NHSL2: variants seen among roughly 807,000 people sequenced by gnomAD.
The protein encoded by NHSL2 is NHS like 2, also known as NHS-like protein 2.
Under a neutral mutation model 53.4 loss-of-function variants are expected in NHSL2, and 27 were observed. The ratio of observed to expected loss-of-function variants is 0.51; its 90% CI spans 0.37 to 0.70. NHSL2 has a LOEUF of 0.70. NHSL2 is among the 30% of genes least tolerant of loss of function. NHSL2 has a pLI of 0.00. For missense variants in NHSL2, 892 were observed against 980.1 expected (o/e 0.91, Z 1.20); for synonymous variants, 408 against 404.1 (o/e 1.01, Z -0.12).
rs1425210883 is a variant in NHSL2 at position 72,146,528 on chromosome X, T to A, written c.*2954T>A. ...TTTGAAGGTGGAATAGAGAAGAGAT[T>A]TGAGTGAAATGAAGTTGGCCCTAGG... On this transcript the variant is annotated 3_prime_UTR_variant, in exon 8 of 8. Transcript: ENST00000633930. 1 of 111,880 alleles carries A rather than the reference T, an allele frequency of 8.9e-6. No individual in the cohort carries two copies. Among genetic ancestry groups the A allele is most frequent in the Non-Finnish European group, 1.9e-5 (1 of 53,168 alleles). The allele number at this position is 111,880 out of a possible 1,213,427, so 9.2% of individuals were successfully genotyped here.
chrX:72,104,795 G>C (rs926356025), intron 1 of NHSL2, among the ~76,000 whole-genome samples: 1 of 111,588 alleles, frequency 9.0e-6, no homozygotes, highest in Admixed American at 9.5e-5. Flanking sequence ...CAACAGGAAA[G>C]AGTTGAGGAT....
chrX:72,061,978 G>A (rs1227594213), intron 1 of NHSL2, among the ~76,000 whole-genome samples: 1 of 112,045 alleles, frequency 8.9e-6, no homozygotes, highest in Non-Finnish European at 1.9e-5. Flanking sequence ...TTGATTATTC[G>A]TGTACTTGGT....
Position 72,145,167 on chromosome X carries a change from A to G in NHSL2, c.*1593A>G, listed in dbSNP as rs1448110252. 2 of 111,782 alleles carry G rather than the reference A, an allele frequency of 1.8e-5. No individual in the cohort carries two copies. The highest frequency in any genetic ancestry group is 3.8e-5 in the Non-Finnish European group (2 of 53,189). The allele number at this position is 111,782 out of a possible 1,213,427, so 9.2% of individuals were successfully genotyped here. ...CCTCACCCAATAGATTCAATGGTCAACCTCCTGGAGGATGCAGTAAGGTTC... is the reference window on the plus strand; with the variant it reads ...CCTCACCCAATAGATTCAATGGTCAGCCTCCTGGAGGATGCAGTAAGGTTC... On this transcript the variant is annotated 3_prime_UTR_variant, in exon 8 of 8. Coordinates refer to ENST00000633930, the MANE Select transcript of NHSL2 (RefSeq NM_001013627.3).
chrX:72,030,637 G>C (rs1293613191), intron 1 of NHSL2, among the ~76,000 whole-genome samples: 1 of 111,831 alleles, frequency 8.9e-6, no homozygotes, highest in African/African-American at 3.3e-5. Flanking sequence ...TCAAATGTTT[G>C]TGATCAGTGG....
chrX:72,058,899 G>T (rs527631320), intron 1 of NHSL2, among the ~76,000 whole-genome samples: 14 of 112,205 alleles, frequency 1.2e-4, no homozygotes, highest in African/African-American at 4.2e-4. Flanking sequence ...TGCAGAGCAA[G>T]GCAGAGACAC....
rs141918604 is a variant in NHSL2, at chrX:72,044,627, G to A, written c.281-87452G>A. The A allele has an allele frequency of 1.4e-3, 1,608 of 1,145,873 alleles. 15 individuals carry two copies. The African/African-American group carries it at 0.025, about 18-fold the overall frequency. The allele number at this position is 1,145,873 out of a possible 1,213,427, so 94.4% of individuals were successfully genotyped here. ...CCTATTCGCTGCACTAACTGTGTCC[G>A]ATGCGTGCCCACAGACAAGGCCATT... is the stretch of plus-strand genomic sequence containing the variant. On this transcript the variant is annotated intron_variant, in intron 1 of 7. Coordinates refer to ENST00000633930, the MANE Select transcript of NHSL2 (RefSeq NM_001013627.3).
chrX:72,147,156 A>C lies in NHSL2; in HGVS notation c.*3582A>C. ...GCACCTGCCCTCTTCCTCATCAATG[A>C]ACAAGTTGGGAAAAAGATGAGTTCA... On this transcript the variant is annotated 3_prime_UTR_variant, in exon 8 of 8. Coordinates refer to ENST00000633930, the MANE Select transcript of NHSL2 (RefSeq NM_001013627.3). The C allele has an allele frequency of 8.9e-6, 1 of 112,011 alleles. No homozygotes were observed. 9.2% of individuals were successfully genotyped at this position (112,011 alleles called of 1,213,427 possible). A position where few individuals can be genotyped will look rare whatever the true frequency, so the allele number is the denominator to read the frequency against.
At position 72,143,532 on chromosome X, in the gene NHSL2, A is replaced by G. The variant is rs748384799; in HGVS notation, c.3636A>G (p.Gln1212=). The change falls in exon 8 of 8, where the codon CAA becomes CAG. Residue 1212 remains glutamine (Q), a synonymous_variant. Transcript: ENST00000633930. ...CACTGGCTCGGAGAATTATTGCACAATTTTCAAAAGACTATGAAACCACCG... is the reference window on the plus strand; with the variant it reads ...CACTGGCTCGGAGAATTATTGCACAGTTTTCAAAAGACTATGAAACCACCG... The part of the protein sequence containing the change: ...TNPLARRIIA[Q]FSKDYETTDN... The G allele has an allele frequency of 5.2e-6, 6 of 1,164,003 alleles. No individual in the cohort carries two copies. In the African/African-American group the frequency reaches 7.2e-5, roughly 14 times the overall value.
chrX:72,087,961 TTGGGAGGCCGAGGCGGGCTGCTCCCC>T (rs376880157), intron 1 of NHSL2, among the ~76,000 whole-genome samples: 6,432 of 111,179 alleles, frequency 0.058, 247 homozygotes, highest in East Asian at 0.2. Flanking sequence ...TCCCAGCACT[TTGGGAGGCCGAGGCGGGCTGCTCCCC>T]TGGGAGGCCG....
Position 72,140,461 on chromosome X carries a change from A to G in NHSL2, c.2913A>G (p.Val971=). Residue 971 remains valine, a synonymous_variant, in exon 6 of 8, where the codon GTA becomes GTG. Coordinates refer to ENST00000633930, the MANE Select transcript of NHSL2 (RefSeq NM_001013627.3). ...CACAGCAGCCTCCCCAGGGAAGTGT[A>G]GAGGACGAGGGCCCCAAGGTGAGGG... The part of the protein sequence containing the change: ...SGTQQPPQGS[V]EDEGPKVRVL... 2 of 1,209,440 alleles carry G rather than the reference A, an allele frequency of 1.7e-6. No homozygotes were observed. The highest frequency in any genetic ancestry group is 2.2e-6 in the Non-Finnish European group (2 of 894,045).
At chrX:72,111,576 C>T (rs1286195517) in intron 1 of NHSL2, among the ~76,000 whole-genome samples, 1 of 111,547 alleles carries the variant, frequency 9.0e-6, no homozygotes, top group Non-Finnish European at 1.9e-5. Context: ...GTCCAAAGTC[C>T]CACAGTAAGT....
In NHSL2 at chrX:71,911,336, G is replaced by A; in HGVS notation, c.249G>A (p.Leu83=). 9.0e-7 allele frequency: 1 copy of A among 1,109,930 alleles called. No homozygotes were observed. Among genetic ancestry groups the A allele is most frequent in the Middle Eastern group, 3.0e-4 (1 of 3,305 alleles). The allele number at this position is 1,109,930 out of a possible 1,213,427, so 91.5% of individuals were successfully genotyped here. Residue 83 remains leucine, a synonymous_variant, in exon 1 of 8, where the codon CTG becomes CTA. Transcript: ENST00000633930. ...TCCGCCGCCGCCTTCCCTGCCGCCT[G>A]CTTGGCCCGGAGGAGGACGAGGAAG... ...VRLRRRLPCR[L]LGPEEDEEEL... is the part of the protein sequence containing the mutation.
intron 1 of NHSL2, among the ~76,000 whole-genome samples, chrX:72,081,580 A>G (rs940730668): frequency 9.0e-6 from 1 of 111,141 alleles, no homozygotes; most frequent in Non-Finnish European, 1.9e-5. Flanking sequence ...TCTCCCTCCT[A>G]TGGGGCTCCC....
At chrX:71,969,399 A>T (rs1215328952) in intron 1 of NHSL2, among the ~76,000 whole-genome samples, 1 of 98,447 alleles carries the variant, frequency 1.0e-5, no homozygotes, top group Admixed American at 1.2e-4. Context: ...TGCAACCTCC[A>T]CCGCCTGGGT....
chrX:72,055,358 G>A (rs1170579181), intron 1 of NHSL2, among the ~76,000 whole-genome samples: 2 of 112,383 alleles, frequency 1.8e-5, no homozygotes, highest in Non-Finnish European at 3.8e-5. Flanking sequence ...TTTGGAAGCT[G>A]AAGACCTCAG....
intron 1 of NHSL2, among the ~76,000 whole-genome samples, chrX:71,942,734 A>G (rs1213138086): frequency 8.9e-6 from 1 of 112,122 alleles, no homozygotes; most frequent in East Asian, 2.8e-4. Context: ...GGTAGTACAC[A>G]GATGACTGAG....
At chrX:72,001,345 C>T (rs1481843313) in intron 1 of NHSL2, among the ~76,000 whole-genome samples, 1 of 111,601 alleles carries the variant, frequency 9.0e-6, no homozygotes, top group Non-Finnish European at 1.9e-5. Context: ...CCTTCTGGAC[C>T]TGTTTCTAGT....
chrX:72,084,437 A>G (rs911071931), intron 1 of NHSL2, among the ~76,000 whole-genome samples: 18 of 112,020 alleles, frequency 1.6e-4, no homozygotes, highest in Admixed American at 9.5e-5. Flanking sequence ...GGTTGGAGGG[A>G]GAAATTGGAC....
chrX:72,056,923 T>A (rs2042373138), intron 1 of NHSL2, among the ~76,000 whole-genome samples: 1 of 112,586 alleles, frequency 8.9e-6, no homozygotes, highest in Non-Finnish European at 1.9e-5. Flanking sequence ...TATCATCTCT[T>A]ACTTCCCAGA....
Sources: allele counts gnomAD v4.1 joint callset (sites outside exome capture counted in the v4.1 genomes callset), GRCh38; gene constraint gnomAD v4.1.1; transcripts MANE v1.5; gene names NCBI Gene and HGNC (gene_info 2026-07-23, HGNC 2026-07-21).